The following KANK1 variants were observed in gnomAD, a reference collection of about 807,000 sequenced individuals.
KANK1 encodes the protein KN motif and ankyrin repeat domain-containing protein 1.
A neutral mutation model predicts 106.2 loss-of-function variants in KANK1; 109 were observed. The ratio of observed to expected loss-of-function variants is 1.03; its 90% CI spans 0.88 to 1.20. The LOEUF (loss-of-function observed/expected upper bound fraction) is 1.20. Ranked by LOEUF, KANK1 falls within the 50% of genes most tolerant of loss-of-function variation. The probability of loss-of-function intolerance (pLI) is 0.00; values close to 1 mark genes in which losing one functional copy is unlikely to be tolerated. For missense variants in KANK1, 2,399 were observed against 1,710.7 expected (o/e 1.40, Z -7.10); for synonymous variants, 873 against 652.2 (o/e 1.34, Z -5.16).
intron 2 of KANK1, among the ~76,000 whole-genome samples, chr9:687,779 TTC>T (rs1301206173): frequency 2.0e-5 from 3 of 152,240 alleles, no homozygotes; most frequent in African/African-American, 7.2e-5. Flanking sequence ...ATTCCTTTTA[TTC>T]TGTTATTATT....
In KANK1 at chr9:560,779, G is replaced by GA. The variant is rs34890353; in HGVS notation, c.-84+56036dup. 1.2e-3 allele frequency among the ~76,000 whole-genome samples: 173 copies of GA among 148,484 alleles called. 1 individual carries two copies. Among genetic ancestry groups the GA allele is most frequent in the African/African-American group, 3.5e-3 (141 of 39,910 alleles). On this transcript the variant is annotated intron_variant, in intron 1 of 11. Coordinates refer to ENST00000382297, the MANE Select transcript of KANK1 (RefSeq NM_015158.5). ...CAACTGGATGTCAGACATCAGGATA[G>GA]AAAAAAAAAAAGGCTGCAAAAAGTT...
chr9:496,216 C>A (rs2058457489), intron 3 of KANK1, among the ~76,000 whole-genome samples: 1 of 152,124 alleles, frequency 6.6e-6, no homozygotes, highest in African/African-American at 2.4e-5. Flanking sequence ...AACTACAGTG[C>A]CAAGCATGGA....
chr9:640,307 C>T (rs2137114582), intron 1 of KANK1, among the ~76,000 whole-genome samples: 1 of 150,650 alleles, frequency 6.6e-6, no homozygotes. Flanking sequence ...GTGATCTCGG[C>T]TCTCTGCAGC....
intron 2 of KANK1, chr9:707,276 G>GCCA: frequency 1.0e-6 from 1 of 970,644 alleles, no homozygotes; most frequent in African/African-American, 1.8e-5. Flanking sequence ...GCGTGGGGCG[G>GCCA]CCACCGCTGG....
intron 1 of KANK1, among the ~76,000 whole-genome samples, chr9:630,581 GT>G (rs1370905182): frequency 6.6e-6 from 1 of 151,860 alleles, no homozygotes; most frequent in Non-Finnish European, 1.5e-5. Context: ...GAGTAGCTTC[GT>G]TTCAGGTGGA....
chr9:505,662 G>T (rs1347731125), intron 1 of KANK1, among the ~76,000 whole-genome samples: 1 of 152,360 alleles, frequency 6.6e-6, no homozygotes, highest in East Asian at 1.9e-4. Flanking sequence ...GGCCTTGGGC[G>T]AGTTGGCGTT....
chr9:691,396 GT>G (rs1819869435), intron 2 of KANK1, among the ~76,000 whole-genome samples: 1 of 149,642 alleles, frequency 6.7e-6, no homozygotes, highest in South Asian at 2.1e-4. Flanking sequence ...AATTGTATGT[GT>G]GTGTGTGTAT....
chr9:517,525 G>T, intron 1 of KANK1, among the ~76,000 whole-genome samples: 1 of 151,782 alleles, frequency 6.6e-6, no homozygotes, highest in Non-Finnish European at 1.5e-5. Flanking sequence ...CTACTGTTAG[G>T]ATATTCATGG....
intron 1 of KANK1, among the ~76,000 whole-genome samples, chr9:564,075 T>C (rs1295842059): frequency 6.6e-6 from 1 of 151,776 alleles, no homozygotes; most frequent in Non-Finnish European, 1.5e-5. Flanking sequence ...TTTTTTTTTT[T>C]TTGAGACAGA....
At chr9:613,931 T>C (rs958608320) in intron 1 of KANK1, among the ~76,000 whole-genome samples, 8 of 152,184 alleles carry the variant, frequency 5.3e-5, no homozygotes, top group Admixed American at 5.2e-4. Flanking sequence ...ATCTCATTTC[T>C]GCGCCCTACA....
chr9:666,624 C>T (rs1284888145), intron 1 of KANK1, among the ~76,000 whole-genome samples: 4 of 151,860 alleles, frequency 2.6e-5, no homozygotes, highest in Admixed American at 6.6e-5. Context: ...TTCCTCTGTA[C>T]CCGGTTTGTT....
At chr9:650,252 C>A (rs1276072970) in intron 1 of KANK1, among the ~76,000 whole-genome samples, 1 of 152,036 alleles carries the variant, frequency 6.6e-6, no homozygotes, top group Non-Finnish European at 1.5e-5. Flanking sequence ...TTGGGATTGG[C>A]CTCTGTGCTT....
chr9:731,124 A>G, intron 4 of KANK1, 34 bp from the exon 5 acceptor site: 1 of 1,192,282 alleles, frequency 8.4e-7, no homozygotes, highest in South Asian at 1.3e-5. Context: ...TATGGGTGTG[A>G]GTTTTCATTT....
chr9:634,657 C>A (rs1477992585), intron 1 of KANK1, among the ~76,000 whole-genome samples: 1 of 152,190 alleles, frequency 6.6e-6, no homozygotes, highest in Non-Finnish European at 1.5e-5. Context: ...CAGGGAGGGA[C>A]TGTTATCATC....
chr9:660,240 C>T (rs759252941), intron 1 of KANK1: 4 of 250,572 alleles, frequency 1.6e-5, no homozygotes, highest in Non-Finnish European at 3.5e-5. Flanking sequence ...CATTCAGCTA[C>T]AGGGTGACCA....
upstream of KANK1, among the ~76,000 whole-genome samples, chr9:501,794 C>A (rs2058558319): frequency 6.6e-6 from 1 of 152,206 alleles, no homozygotes; most frequent in African/African-American, 2.4e-5. Flanking sequence ...CTCAAGCTAT[C>A]CTCCTGCTTT....
At chr9:721,580 GA>G (rs1350299539) in intron 3 of KANK1, among the ~76,000 whole-genome samples, 1 of 152,142 alleles carries the variant, frequency 6.6e-6, no homozygotes, top group African/African-American at 2.4e-5. Flanking sequence ...TTATGTTTCA[GA>G]AAAACTATAG....
At position 711,918 on chromosome 9, in the gene KANK1, C is replaced by T. The variant is rs141666690; in HGVS notation, c.1152C>T (p.Ser384=). ...MQALEQKIQD[S]SCEASSELRE... ...CCCTGGAGCAGAAGATCCAGGACAG[C>T]AGCTGTGAGGCCTCCTCAGAGCTCA... is the stretch of plus-strand genomic sequence containing the variant. The change falls in exon 3 of 12, where the codon AGC becomes AGT. Residue 384 remains serine (S), a synonymous_variant. Coordinates refer to ENST00000382297, the MANE Select transcript of KANK1 (RefSeq NM_015158.5). The T allele has an allele frequency of 1.1e-5, 17 of 1,614,082 alleles. No homozygotes were observed. Among genetic ancestry groups the T allele is most frequent in the Admixed American group, 3.3e-5 (2 of 60,008 alleles).
chr9:741,122 T>G, intron 9 of KANK1, among the ~76,000 whole-genome samples, 188 bp downstream of exon 9: 1 of 152,244 alleles, frequency 6.6e-6, no homozygotes, highest in East Asian at 1.9e-4. Flanking sequence ...AAATATGGGC[T>G]TAAATTTCAC....
Sources: gnomAD v4.1 joint callset for allele counts (sites outside exome capture counted in the v4.1 genomes callset) on GRCh38, gnomAD v4.1.1 for gene constraint, MANE v1.5 for transcripts, NCBI Gene and HGNC (gene_info 2026-07-23, HGNC 2026-07-21) for gene names.